FRAS1: variants seen among roughly 807,000 people sequenced by gnomAD.
FRAS1 encodes Fraser extracellular matrix complex subunit 1, also known as extracellular matrix organizing protein FRAS1.
In FRAS1, 290 loss-of-function variants were observed where a neutral mutation model predicts 435.2. The observed-to-expected ratio is 0.67, with a 90% CI of 0.61 to 0.73. The LOEUF is 0.73. Ranked by LOEUF, FRAS1 falls within the 30% of genes least tolerant of loss-of-function variation. The pLI is 0.00. For synonymous variants in FRAS1, 1,800 were observed against 1,851.0 expected (o/e 0.97, Z 0.71); for missense variants, 4,860 against 5,001.5 (o/e 0.97, Z 0.85).
Position 78,412,966 on chromosome 4 carries a change from C to T in FRAS1, c.4309-3C>T, listed in dbSNP as rs1464966075. 5 of 1,586,012 alleles carry T rather than the reference C, an allele frequency of 3.2e-6. No homozygotes were observed. The highest frequency in any genetic ancestry group is 4.3e-6 in the Non-Finnish European group (5 of 1,164,130). The stretch of plus-strand genomic sequence containing the variant: ...AGGCTCACCAGGATGACTTTCTTTT[C>T]AGGTGTCCAGTGCCTCCAATGCCCA... On this transcript the variant is annotated splice_polypyrimidine_tract_variant and splice_region_variant and intron_variant, in intron 31 of 73. Transcript: ENST00000512123.
intron 14 of FRAS1, among the ~76,000 whole-genome samples, chr4:78,295,289 AGT>A (rs1305547579): frequency 6.6e-6 from 1 of 152,206 alleles, no homozygotes; most frequent in Non-Finnish European, 1.5e-5. Context: ...GTTTATGTAC[AGT>A]GTTTAAGCTT....
chr4:78,411,404 G>A (rs188878642), intron 31 of FRAS1, among the ~76,000 whole-genome samples: 163 of 152,146 alleles, frequency 1.1e-3, no homozygotes, highest in African/African-American at 3.7e-3. Flanking sequence ...GAGCCACCCC[G>A]TCCAGCCGAG....
chr4:78,499,743 A>G lies in FRAS1; in HGVS notation c.9138A>G (p.Glu3046=). 1.2e-6 allele frequency: 2 copies of G among 1,613,914 alleles called. No individual in the cohort carries two copies. Residue 3046 remains glutamate, a synonymous_variant, in exon 61 of 74, where the codon GAA becomes GAG. Transcript: ENST00000512123. ...TAGCCCCCACCATTGAGTTTGAAGA[A>G]GCTGCATACCAAGTCCGGGAACCCG... ...DEDAPTIEFE[E]AAYQVREPAG...
At chr4:78,236,287 C>CATTTATTT (rs34452198) in intron 2 of FRAS1, among the ~76,000 whole-genome samples, 3,067 of 142,902 alleles carry the variant, frequency 0.021, 46 homozygotes, top group Non-Finnish European at 0.026. Context: ...GAAATAGTTG[C>CATTTATTT]ATTTATTTAT....
chr4:78,297,041 G>C (rs752761197), intron 14 of FRAS1, among the ~76,000 whole-genome samples: 13 of 152,210 alleles, frequency 8.5e-5, no homozygotes, highest in Non-Finnish European at 1.9e-4. Flanking sequence ...TTTACCCACT[G>C]TCTCCTGATA....
At chr4:78,068,828 A>G (rs1740189150) in intron 2 of FRAS1, 1 of 346,676 alleles carries the variant, frequency 2.9e-6, no homozygotes, top group East Asian at 7.5e-5. Flanking sequence ...CATTTTAAGG[A>G]CAATGAAACT....
chr4:78,086,373 A>T (rs1741166791), intron 2 of FRAS1, among the ~76,000 whole-genome samples: 2 of 152,228 alleles, frequency 1.3e-5, no homozygotes. Context: ...GAACTAGAGA[A>T]GCAAGAGCAA....
At chr4:78,391,381 G>T (rs550374372) in intron 29 of FRAS1, among the ~76,000 whole-genome samples, 6 of 152,296 alleles carry the variant, frequency 3.9e-5, no homozygotes, top group African/African-American at 1.2e-4. Context: ...AGATTAAAAG[G>T]TAATAAAGAA....
At chr4:78,080,034 C>G (rs1740825181) in intron 2 of FRAS1, among the ~76,000 whole-genome samples, 1 of 152,090 alleles carries the variant, frequency 6.6e-6, no homozygotes, top group African/African-American at 2.4e-5. Flanking sequence ...TCATCGGAAC[C>G]AGGTTTCCTA....
At chr4:78,179,317 G>T (rs1469655299) in intron 2 of FRAS1, among the ~76,000 whole-genome samples, 5 of 152,058 alleles carry the variant, frequency 3.3e-5, no homozygotes, top group African/African-American at 1.2e-4. Context: ...CTTGACATCT[G>T]GCTCTCCACA....
intron 14 of FRAS1, among the ~76,000 whole-genome samples, chr4:78,298,218 T>A (rs955871203): frequency 4.7e-5 from 7 of 149,372 alleles, no homozygotes; most frequent in Non-Finnish European, 5.9e-5. Context: ...TTATAAAATA[T>A]AAGGTGTATT....
At chr4:78,382,675 C>T (rs1732066555) in intron 27 of FRAS1, among the ~76,000 whole-genome samples, 1 of 152,112 alleles carries the variant, frequency 6.6e-6, no homozygotes, top group African/African-American at 2.4e-5. Context: ...AATTTGCATT[C>T]AATAAAATCC....
intron 1 of FRAS1, among the ~76,000 whole-genome samples, chr4:78,064,481 T>C (rs1739902069): frequency 6.6e-6 from 1 of 151,898 alleles, no homozygotes; most frequent in South Asian, 2.1e-4. Context: ...GAAATGTCAT[T>C]AGGAGAAAGG....
intron 2 of FRAS1, among the ~76,000 whole-genome samples, chr4:78,119,783 A>G (rs537975390): frequency 6.6e-6 from 1 of 152,298 alleles, no homozygotes; most frequent in African/African-American, 2.4e-5. Flanking sequence ...ACTTTTAACA[A>G]GTGTCCCAGG....
intron 32 of FRAS1, among the ~76,000 whole-genome samples, chr4:78,415,592 A>G (rs1459031519): frequency 6.6e-6 from 1 of 152,162 alleles, no homozygotes; most frequent in African/African-American, 2.4e-5. Context: ...GCAACAGGTG[A>G]AAAAAGGTGG....
intron 14 of FRAS1, among the ~76,000 whole-genome samples, chr4:78,303,070 A>C (rs1409723741): frequency 1.3e-5 from 2 of 152,200 alleles, no homozygotes; most frequent in African/African-American, 2.4e-5. Flanking sequence ...TCAGCTTTCT[A>C]CATATGGCTA....
intron 69 of FRAS1, 110 bp downstream of exon 69, chr4:78,522,918 G>A: frequency 9.7e-7 from 1 of 1,029,688 alleles, no homozygotes; most frequent in South Asian, 1.9e-5. Context: ...TATTTTAAAA[G>A]GGGAATTGAT....
chr4:78,466,187 G>C, intron 49 of FRAS1, 21 bp from the exon 50 acceptor site: 1 of 1,607,074 alleles, frequency 6.2e-7, no homozygotes, highest in Non-Finnish European at 8.5e-7. Context: ...CCTCCCCTCT[G>C]GTATTTTGCC....
rs113732809 is a variant in FRAS1 at position 78,470,000 on chromosome 4, C to A, written c.7280C>A (p.Pro2427Gln). 1.9e-5 allele frequency: 30 copies of A among 1,613,554 alleles called. No individual in the cohort carries two copies. The African/African-American group carries it at 3.5e-4, about 19-fold the overall frequency. The change falls in exon 51 of 74, where the codon CCG becomes CAG. Residue 2427 changes from proline to glutamine, a missense_variant. Coordinates refer to ENST00000512123, the MANE Select transcript of FRAS1 (RefSeq NM_025074.7). ...GKEIMTAAPQ[P>Q]FRVDILPVDD... ...CAGATTATGACAGCAGCACCTCAGC[C>A]GTTCCGAGTAGACATCCTCCCGGTA...
Sources: gnomAD v4.1 joint callset for allele counts (sites outside exome capture counted in the v4.1 genomes callset) on GRCh38, gnomAD v4.1.1 for gene constraint, MANE v1.5 for transcripts, NCBI Gene and HGNC (gene_info 2026-07-23, HGNC 2026-07-21) for gene names.